Variants in FRMD4A observed in about 807,000 individuals in gnomAD.
FRMD4A encodes the protein FERM domain-containing protein 4A.
A neutral mutation model predicts 129.1 loss-of-function variants in FRMD4A; 29 were observed. That is an observed-to-expected ratio of 0.22 (90% CI 0.17 to 0.31). The LOEUF (loss-of-function observed/expected upper bound fraction) is 0.31. FRMD4A is among the 10% of genes least tolerant of loss of function. The pLI is 1.00. For missense variants in FRMD4A, 1,272 were observed against 1,375.8 expected (o/e 0.92, Z 1.19); for synonymous variants, 634 against 571.6 (o/e 1.11, Z -1.56).
chr10:14,273,933 T>G (rs61836115), intron 2 of FRMD4A, among the ~76,000 whole-genome samples: 13,962 of 152,150 alleles, frequency 0.092, 817 homozygotes, highest in Middle Eastern at 0.14. Context: ...ACATGAAGAA[T>G]AAAACATCAA....
In FRMD4A at chr10:13,790,939, G is replaced by A. The variant is rs535155502; in HGVS notation, c.299+5557C>T. On this transcript the variant is annotated intron_variant, in intron 5 of 24. Transcript: ENST00000357447. Reference sequence around the variant, plus strand: ...GAGGAGAAGATAGAGAAAAAGAGAGGAAAGGCTCGAGGGAGAAGCTCTGTG... The same window carrying A: ...GAGGAGAAGATAGAGAAAAAGAGAGAAAAGGCTCGAGGGAGAAGCTCTGTG... Among the ~76,000 whole-genome samples, 77 of 152,138 alleles carry A rather than the reference G, an allele frequency of 5.1e-4. 1 individual carries two copies. Among genetic ancestry groups the A allele is most frequent in the African/African-American group, 1.8e-3 (76 of 41,514 alleles).
chr10:13,920,565 A>G (rs929533450), intron 2 of FRMD4A, among the ~76,000 whole-genome samples: 1 of 152,236 alleles, frequency 6.6e-6, no homozygotes, highest in Non-Finnish European at 1.5e-5. Flanking sequence ...TTTTGCAACC[A>G]AAGTCCACAG....
rs369032446 is a variant in FRMD4A, at chr10:13,806,577, C to T, written c.206+4237G>A. On this transcript the variant is annotated intron_variant, in intron 4 of 24. Transcript: ENST00000357447. ...CGCTGAAGTAGAATCAGCTTTTCTT[C>T]TTTGCTCTGGAGGGAGAGAGCACAG... 7.9e-5 allele frequency among the ~76,000 whole-genome samples: 12 copies of T among 152,296 alleles called. 2 individuals are homozygous for T. The highest frequency in any genetic ancestry group is 2.9e-4 in the African/African-American group (12 of 41,578).
chr10:13,811,882 T>TA (rs1564842636), intron 3 of FRMD4A, among the ~76,000 whole-genome samples: 1 of 141,392 alleles, frequency 7.1e-6, no homozygotes, highest in African/African-American at 2.6e-5. Flanking sequence ...CATTATCTGT[T>TA]GGTTTTTTTT....
chr10:13,974,642 T>C (rs2095534663), intron 2 of FRMD4A, among the ~76,000 whole-genome samples: 4 of 152,204 alleles, frequency 2.6e-5, no homozygotes, highest in African/African-American at 9.6e-5. Flanking sequence ...TTCTCCTGCC[T>C]CAGCCTCCCG....
chr10:13,823,270 AG>A (rs1198751632), intron 3 of FRMD4A, among the ~76,000 whole-genome samples: 1 of 152,148 alleles, frequency 6.6e-6, no homozygotes, highest in Non-Finnish European at 1.5e-5. Context: ...GGAGGCGGGC[AG>A]GTGTTCATTA....
intron 3 of FRMD4A, among the ~76,000 whole-genome samples, chr10:13,830,329 C>T (rs2093770181): frequency 6.6e-6 from 1 of 152,150 alleles, no homozygotes; most frequent in African/African-American, 2.4e-5. Context: ...CTTTTCCAGC[C>T]CCTCTGACAG....
At chr10:13,901,782 C>T (rs959521337) in intron 2 of FRMD4A, among the ~76,000 whole-genome samples, 1 of 152,066 alleles carries the variant, frequency 6.6e-6, no homozygotes, top group African/African-American at 2.4e-5. Context: ...AGCCCCGGGA[C>T]CTCCCAGCCC....
chr10:14,203,827 A>G (rs1842707118), intron 2 of FRMD4A, among the ~76,000 whole-genome samples: 1 of 152,224 alleles, frequency 6.6e-6, no homozygotes, highest in East Asian at 1.9e-4. Flanking sequence ...CTCCTCCTCG[A>G]AAAGCATTCA....
At chr10:13,652,089 T>G in intron 23 of FRMD4A, 115 bp from the exon 24 acceptor site, 1 of 730,126 alleles carries the variant, frequency 1.4e-6, no homozygotes, top group East Asian at 2.5e-5. Context: ...GCTTGCTGAT[T>G]AGACACCTGA....
intron 2 of FRMD4A, among the ~76,000 whole-genome samples, chr10:14,019,413 G>A (rs1472132718): frequency 6.6e-6 from 1 of 152,136 alleles, no homozygotes; most frequent in Non-Finnish European, 1.5e-5. Context: ...CCATCATAAT[G>A]TATAACATTT....
intron 2 of FRMD4A, among the ~76,000 whole-genome samples, chr10:14,196,153 A>G (rs1442969074): frequency 7.5e-6 from 1 of 133,184 alleles, no homozygotes; most frequent in African/African-American, 3.1e-5. Context: ...ATATACTCAC[A>G]TGCACACACA....
rs189363445 is a variant in FRMD4A, at chr10:13,667,676, T to G, written c.1375-1351A>C. 1.8e-4 allele frequency: 27 copies of G among 152,288 alleles called. 1 individual carries two copies. Among genetic ancestry groups the G allele is most frequent in the Admixed American group, 1.4e-3 (22 of 15,298 alleles). 9.4% of individuals were successfully genotyped at this position (152,288 alleles called of 1,614,324 possible). A position where few individuals can be genotyped will look rare whatever the true frequency, so the allele number is the denominator to read the frequency against. ...CGGAATCCCCCGCAAAGCGTCAGAT[T>G]GTTCATTTTTCTATTTCCTCTCTTC... On this transcript the variant is annotated intron_variant, in intron 17 of 24. Coordinates refer to ENST00000357447, the MANE Select transcript of FRMD4A (RefSeq NM_018027.5).
Position 13,644,546 on chromosome 10 carries a change from T to C in FRMD4A, c.*2492A>G, listed in dbSNP as rs1340954129. On this transcript the variant is annotated 3_prime_UTR_variant, in exon 25 of 25. Coordinates refer to ENST00000357447, the MANE Select transcript of FRMD4A (RefSeq NM_018027.5). ...CTCTCTGTCCCCCAAGTTGAAAATA[T>C]AACCCAAATCTTTAGAATTTTTGCC... is the stretch of plus-strand genomic sequence containing the variant. 6.6e-6 allele frequency: 1 copy of C among 152,240 alleles called. No individual in the cohort carries two copies. The highest frequency in any genetic ancestry group is 2.4e-5 in the African/African-American group (1 of 41,464). 9.4% of individuals were successfully genotyped at this position (152,240 alleles called of 1,614,324 possible).
chr10:14,276,788 T>C lies in FRMD4A; in HGVS notation c.45+53270A>G, dbSNP rs190372862. On this transcript the variant is annotated intron_variant, in intron 2 of 24. Coordinates refer to ENST00000357447, the MANE Select transcript of FRMD4A (RefSeq NM_018027.5). ...TCCCATCTTCCTGCTCTGTTCTTTA[T>C]GCCCCACACTACTCACATTTGTGGC... is the stretch of plus-strand genomic sequence containing the variant. Among the ~76,000 whole-genome samples the C allele has an allele frequency of 2.0e-5, 3 of 152,352 alleles. No individual in the cohort carries two copies. The East Asian group carries it at 5.8e-4, about 29-fold the overall frequency.
intron 4 of FRMD4A, among the ~76,000 whole-genome samples, chr10:13,799,537 G>A (rs1440680483): frequency 6.6e-6 from 1 of 152,186 alleles, no homozygotes; most frequent in Non-Finnish European, 1.5e-5. Flanking sequence ...TCAACTGGAA[G>A]GTGTCAGACA....
At chr10:14,279,650 G>A (rs903604310) in intron 2 of FRMD4A, among the ~76,000 whole-genome samples, 1 of 152,146 alleles carries the variant, frequency 6.6e-6, no homozygotes, top group African/African-American at 2.4e-5. Context: ...ACAGAACCAG[G>A]AGTTTGAAGT....
At chr10:13,783,494 C>T (rs897066957) in intron 5 of FRMD4A, among the ~76,000 whole-genome samples, 3 of 151,884 alleles carry the variant, frequency 2.0e-5, no homozygotes, top group African/African-American at 4.8e-5. Context: ...AAGCAACCTT[C>T]CCGCCTCAGC....
At chr10:14,015,409 T>C (rs1358232166) in intron 2 of FRMD4A, among the ~76,000 whole-genome samples, 2 of 141,766 alleles carry the variant, frequency 1.4e-5, no homozygotes, top group African/African-American at 5.1e-5. Flanking sequence ...CCTCCCCTCC[T>C]TCCCCTTCCC....
Sources: allele counts gnomAD v4.1 joint callset (sites outside exome capture counted in the v4.1 genomes callset), GRCh38; gene constraint gnomAD v4.1.1; transcripts MANE v1.5; gene names NCBI Gene and HGNC (gene_info 2026-07-23, HGNC 2026-07-21).